The following KDM7A variants were observed in gnomAD, a reference collection of about 807,000 sequenced individuals.
KDM7A encodes lysine-specific demethylase 7A.
A neutral mutation model predicts 114.8 loss-of-function variants in KDM7A; 28 were observed. The observed-to-expected ratio is 0.24, with a 90% confidence interval of 0.18 to 0.33. KDM7A has a LOEUF of 0.33. Ranked by LOEUF, KDM7A falls within the 10% of genes least tolerant of loss-of-function variation. The pLI, the probability that KDM7A is intolerant of heterozygous loss-of-function variation, is 1.00. For missense variants in KDM7A, 942 were observed against 1,142.5 expected (o/e 0.82, Z 2.53); for synonymous variants, 423 against 397.8 (o/e 1.06, Z -0.75).
At chr7:140,096,509 G>A (rs775282226) in intron 17 of KDM7A, 46 bp downstream of exon 17, 15 of 1,405,614 alleles carry the variant, frequency 1.1e-5, no homozygotes, top group Non-Finnish European at 1.5e-5. Context: ...CATTAAGTTG[G>A]GCAACATATG....
intron 10 of KDM7A, among the ~76,000 whole-genome samples, chr7:140,112,738 C>A (rs953338113): frequency 6.6e-6 from 1 of 152,136 alleles, no homozygotes; most frequent in African/African-American, 2.4e-5. Context: ...AGTCCCTGTT[C>A]AAGAGCTCAC....
intron 1 of KDM7A, among the ~76,000 whole-genome samples, chr7:140,142,437 A>G (rs1439700005): frequency 6.6e-6 from 1 of 151,994 alleles, no homozygotes; most frequent in Non-Finnish European, 1.5e-5. Context: ...AAAAAAACCA[A>G]TAGAAAAATG....
chr7:140,089,364 G>C lies in KDM7A; in HGVS notation c.*1730C>G, dbSNP rs1483455136. The C allele has an allele frequency of 1.3e-5, 2 of 152,136 alleles. No individual in the cohort carries two copies. Among genetic ancestry groups the C allele is most frequent in the African/African-American group, 2.4e-5 (1 of 41,424 alleles). The allele number at this position is 152,136 out of a possible 1,614,324, so 9.4% of individuals were successfully genotyped here. A position where few individuals can be genotyped will look rare whatever the true frequency, so the allele number is the denominator to read the frequency against. ...ACATTTTGGAATGGGGACACAAGAA[G>C]TATTTCTCTTTGAAAATATACATTT... On this transcript the variant is annotated 3_prime_UTR_variant, in exon 20 of 20. Coordinates refer to ENST00000397560, the MANE Select transcript of KDM7A (RefSeq NM_030647.2).
chr7:140,176,972 C>A lies in KDM7A; in HGVS notation c.-35G>T. ...ACACACACACGCTCGCTCGCTACTC[C>A]GCTCGCCGACTGGAGCGAGCGCAGC... On this transcript the variant is annotated 5_prime_UTR_variant, in exon 1 of 20. Coordinates refer to ENST00000397560, the MANE Select transcript of KDM7A (RefSeq NM_030647.2). This position sits in a 1 kb window ranked among gnomAD's most constrained non-coding sequence, Gnocchi z 4.4. 9.1e-7 allele frequency: 1 copy of A among 1,096,358 alleles called. No individual in the cohort carries two copies. Among genetic ancestry groups the A allele is most frequent in the South Asian group, 4.4e-5 (1 of 22,566 alleles). The allele number at this position is 1,096,358 out of a possible 1,614,324, so 67.9% of individuals were successfully genotyped here.
At chr7:140,111,944 CAA>C (rs11327222) in intron 10 of KDM7A, among the ~76,000 whole-genome samples, 23 of 100,686 alleles carry the variant, frequency 2.3e-4, no homozygotes, top group East Asian at 2.9e-4. Context: ...GACTCTGTCT[CAA>C]AAAAAAAAAA....
chr7:140,170,197 G>C (rs929059769), intron 1 of KDM7A, among the ~76,000 whole-genome samples: 3 of 152,050 alleles, frequency 2.0e-5, no homozygotes, highest in African/African-American at 7.2e-5. Context: ...TATATAACAA[G>C]GATGAAAGCG....
intron 12 of KDM7A, 67 bp from the exon 13 acceptor site, chr7:140,100,090 A>G: frequency 2.6e-6 from 4 of 1,522,474 alleles, no homozygotes; most frequent in Non-Finnish European, 3.6e-6. Context: ...CTGATGGAAT[A>G]CAGTATACCA....
intron 9 of KDM7A, among the ~76,000 whole-genome samples, chr7:140,114,776 G>A (rs1452537050): frequency 2.1e-4 from 30 of 143,392 alleles, no homozygotes; most frequent in African/African-American, 6.1e-4. Context: ...GCCTCTGCCC[G>A]GCCGCCCCGT....
rs1390143356 is a variant in KDM7A, at chr7:140,087,342, C to T, written c.*3752G>A. 1 of 152,210 alleles carries T rather than the reference C, an allele frequency of 6.6e-6. No individual in the cohort carries two copies. The highest frequency in any genetic ancestry group is 1.5e-5 in the Non-Finnish European group (1 of 68,044). 9.4% of individuals were successfully genotyped at this position (152,210 alleles called of 1,614,324 possible). ...TAACGTACTTGAGGATACACATTCT[C>T]ACTCTCTTATCCATAAACAACTTCA... On this transcript the variant is annotated 3_prime_UTR_variant, in exon 20 of 20. Coordinates refer to ENST00000397560, the MANE Select transcript of KDM7A (RefSeq NM_030647.2).
chr7:140,141,118 T>C (rs972584803), intron 1 of KDM7A, among the ~76,000 whole-genome samples: 2 of 152,142 alleles, frequency 1.3e-5, no homozygotes, highest in Non-Finnish European at 2.9e-5. Context: ...GGGAAAAGTA[T>C]AAAATATTAT....
intron 1 of KDM7A, among the ~76,000 whole-genome samples, chr7:140,155,398 C>A (rs1172898070): frequency 6.6e-6 from 1 of 152,248 alleles, no homozygotes; most frequent in African/African-American, 2.4e-5. Context: ...AAGGTATAAT[C>A]TAGCACCACA....
At chr7:140,115,081 T>TG (rs1052350520) in intron 9 of KDM7A, among the ~76,000 whole-genome samples, 2 of 144,418 alleles carry the variant, frequency 1.4e-5, no homozygotes, top group Admixed American at 6.8e-5. Flanking sequence ...GGGAGGGAGG[T>TG]GGGGGGCAGC....
At chr7:140,152,703 AG>A (rs1044348915) in intron 1 of KDM7A, among the ~76,000 whole-genome samples, 15 of 152,194 alleles carry the variant, frequency 9.9e-5, no homozygotes, top group African/African-American at 3.1e-4. Flanking sequence ...CTGAGTTGCC[AG>A]GAAAGGTCAA....
intron 10 of KDM7A, 53 bp from the exon 11 acceptor site, chr7:140,111,237 T>C: frequency 8.2e-7 from 1 of 1,221,118 alleles, no homozygotes; most frequent in Non-Finnish European, 1.2e-6. Context: ...CACTTTAATA[T>C]GTAAAAACAA....
chr7:140,139,050 T>C (rs1818913336), intron 2 of KDM7A, 55 bp downstream of exon 2: 3 of 1,146,922 alleles, frequency 2.6e-6, no homozygotes, highest in African/African-American at 3.0e-5. Flanking sequence ...ACATGTAAGT[T>C]TGAAATGTCA....
chr7:140,130,450 G>A (rs545667458), intron 3 of KDM7A, among the ~76,000 whole-genome samples: 77 of 151,910 alleles, frequency 5.1e-4, no homozygotes, highest in African/African-American at 1.8e-3. Flanking sequence ...GTGAAACCTC[G>A]TCTCTACTAA....
intron 1 of KDM7A, among the ~76,000 whole-genome samples, chr7:140,175,254 C>G (rs757996057): frequency 1.3e-5 from 2 of 152,192 alleles, no homozygotes; most frequent in African/African-American, 4.8e-5. Flanking sequence ...TTAACTACAC[C>G]TAGCACTAAA....
Position 140,133,618 on chromosome 7 carries a change from C to T in KDM7A, c.319G>A (p.Glu107Lys). The change falls in exon 3 of 20, where the codon GAA (glutamate) becomes AAA (lysine). Residue 107 changes from glutamate to lysine, a missense_variant. Physicochemically the swap from Glu to Lys is moderately conservative, Grantham distance 56. Coordinates refer to ENST00000397560, the MANE Select transcript of KDM7A (RefSeq NM_030647.2). ...RRNWHRHDYT[E>K]IDDGSKPVQA... is the part of the protein sequence containing the mutation. ...ACTGGTTTGGAACCATCATCAATTTCTGTGTAGTCATGTCTGTGCCAGTTC... is the reference window on the plus strand; with the variant it reads ...ACTGGTTTGGAACCATCATCAATTTTTGTGTAGTCATGTCTGTGCCAGTTC... The T allele has an allele frequency of 6.2e-7, 1 of 1,612,328 alleles. No homozygotes were observed. Among genetic ancestry groups the T allele is most frequent in the Non-Finnish European group, 8.5e-7 (1 of 1,178,622 alleles).
At chr7:140,153,306 T>C (rs113003043) in intron 1 of KDM7A, among the ~76,000 whole-genome samples, 9,272 of 151,282 alleles carry the variant, frequency 0.061, 362 homozygotes, top group Non-Finnish European at 0.09. Context: ...GCTAACACAG[T>C]GAAACCCGTC....
Sources: allele counts gnomAD v4.1 joint callset (sites outside exome capture counted in the v4.1 genomes callset), GRCh38; gene constraint gnomAD v4.1.1; non-coding constraint Gnocchi (gnomAD v3.1); transcripts MANE v1.5; gene names NCBI Gene and HGNC (gene_info 2026-07-23, HGNC 2026-07-21).